PLCL2: variants seen among roughly 807,000 people sequenced by gnomAD.
PLCL2 encodes phospholipase C like 2.
Under a neutral mutation model 79.6 loss-of-function variants are expected in PLCL2, and 4 were observed. The observed-to-expected ratio is 0.05, with a 90% CI of 0.02 to 0.11. The LOEUF is 0.11. Ranked by LOEUF, PLCL2 falls within the 10% of genes least tolerant of loss-of-function variation. The pLI, the probability that PLCL2 is intolerant of heterozygous loss-of-function variation, is 1.00. For synonymous variants in PLCL2, 484 were observed against 457.7 expected, an observed-to-expected ratio of 1.06 and a Z score of -0.73; for missense variants, 895 against 1,291.0, an observed-to-expected ratio of 0.69 and a Z score of 4.70.
chr3:17,041,402 AT>A (rs2064719897), intron 3 of PLCL2, among the ~76,000 whole-genome samples: 1 of 152,186 alleles, frequency 6.6e-6, no homozygotes, highest in Non-Finnish European at 1.5e-5. Context: ...GAAGGCGTAA[AT>A]AAATGCCTGC....
chr3:16,916,168 C>G (rs549800686), intron 1 of PLCL2, among the ~76,000 whole-genome samples: 1 of 152,210 alleles, frequency 6.6e-6, no homozygotes, highest in East Asian at 1.9e-4. Flanking sequence ...GTAAACCTGC[C>G]ACACTGTGGA....
intron 1 of PLCL2, among the ~76,000 whole-genome samples, chr3:16,961,004 A>T (rs1417185485): frequency 6.6e-6 from 1 of 152,250 alleles, no homozygotes; most frequent in Non-Finnish European, 1.5e-5. Context: ...TCAGCAAAAC[A>T]CAAAAAGTTT....
intron 1 of PLCL2, among the ~76,000 whole-genome samples, chr3:16,994,194 G>T (rs2064130508): frequency 6.6e-6 from 1 of 152,148 alleles, no homozygotes; most frequent in African/African-American, 2.4e-5. Flanking sequence ...AGGGACTTAT[G>T]GTTTTAGAAA....
intron 3 of PLCL2, among the ~76,000 whole-genome samples, chr3:17,025,266 G>A (rs2064504121): frequency 6.6e-6 from 1 of 152,140 alleles, no homozygotes; most frequent in African/African-American, 2.4e-5. Flanking sequence ...CCATTCTTCA[G>A]GAATTAATTC....
chr3:17,019,971 T>G (rs2064430203), intron 3 of PLCL2, among the ~76,000 whole-genome samples: 1 of 152,190 alleles, frequency 6.6e-6, no homozygotes, highest in African/African-American at 2.4e-5. Context: ...TAGTACACAG[T>G]GTTTTTAAGA....
intron 3 of PLCL2, among the ~76,000 whole-genome samples, chr3:17,030,831 G>T (rs1031908631): frequency 4.6e-5 from 7 of 152,180 alleles, no homozygotes; most frequent in African/African-American, 1.4e-4. Context: ...AGAAACTAAT[G>T]ATACTTTACA....
chr3:16,960,062 G>A (rs565636966), intron 1 of PLCL2, among the ~76,000 whole-genome samples: 4 of 152,038 alleles, frequency 2.6e-5, no homozygotes, highest in African/African-American at 7.2e-5. Flanking sequence ...CCGAGATTGC[G>A]CCACTGCACT....
intron 3 of PLCL2, among the ~76,000 whole-genome samples, chr3:17,029,092 T>C (rs569420353): frequency 1.3e-5 from 2 of 152,142 alleles, no homozygotes; most frequent in East Asian, 3.9e-4. Context: ...GAAGCACTTA[T>C]GTTCTAAGGC....
rs530983065 is a variant in PLCL2, at chr3:16,954,476, G to A, written c.328-55198G>A. On this transcript the variant is annotated intron_variant, in intron 1 of 5. Coordinates refer to ENST00000615277, the MANE Select transcript of PLCL2 (RefSeq NM_001144382.2). ...AGTCTTTGCTATTGTGAATAGTGCC[G>A]CAATAAACATACGTGTGCATGTGTC... Among the ~76,000 whole-genome samples, 45 of 152,102 alleles carry A rather than the reference G, an allele frequency of 3.0e-4. No homozygotes were observed. In the East Asian group the frequency reaches 5.2e-3, roughly 18 times the overall value.
At chr3:17,022,941 T>C (rs2064472148) in intron 3 of PLCL2, among the ~76,000 whole-genome samples, 1 of 152,236 alleles carries the variant, frequency 6.6e-6, no homozygotes, top group African/African-American at 2.4e-5. Flanking sequence ...TGCTAAGCTC[T>C]TTAGGTAAAA....
intron 3 of PLCL2, among the ~76,000 whole-genome samples, chr3:17,040,004 A>T (rs2064702790): frequency 6.6e-6 from 1 of 152,248 alleles, no homozygotes; most frequent in African/African-American, 2.4e-5. Flanking sequence ...GTAGCTTCAG[A>T]ATATTGAATT....
At chr3:17,055,911 G>T (rs552031696) in intron 4 of PLCL2, among the ~76,000 whole-genome samples, 1 of 152,268 alleles carries the variant, frequency 6.6e-6, no homozygotes, top group Admixed American at 6.5e-5. Flanking sequence ...GAGCAGCATA[G>T]AACATAGCTT....
chr3:16,939,405 T>A (rs141713383), intron 1 of PLCL2, among the ~76,000 whole-genome samples: 125 of 152,360 alleles, frequency 8.2e-4, no homozygotes, highest in Non-Finnish European at 1.5e-3. Flanking sequence ...CTACTAGCAC[T>A]TAGCTTTGCC....
In PLCL2 at chr3:17,010,212, T is replaced by C. The variant is rs1209490714; in HGVS notation, c.866T>C (p.Leu289Pro). Residue 289 changes from leucine to proline, a missense_variant, in exon 2 of 6, where the codon CTG becomes CCG. Physicochemically the swap from Leu to Pro is moderately conservative, Grantham distance 98. This residue lies in a region of PLCL2 where 93 missense variants were observed against 93.2 expected (regional missense o/e 1.00). Transcript: ENST00000615277. The surrounding 1 kb of genome is among the most constrained non-coding windows in gnomAD (Gnocchi z 5.8). ...IDVDNLGHITLCNAVQCIRNL... is the reference protein window; with the variant it reads ...IDVDNLGHITPCNAVQCIRNL... ...GTAGATAACCTTGGACATATAACTC[T>C]GTGTAATGCTGTGCAATGTATCAGA... 1 of 1,613,932 alleles carries C rather than the reference T, an allele frequency of 6.2e-7. No individual in the cohort carries two copies. Among genetic ancestry groups the C allele is most frequent in the Non-Finnish European group, 8.5e-7 (1 of 1,179,920 alleles).
intron 1 of PLCL2, among the ~76,000 whole-genome samples, chr3:16,900,622 T>C (rs371395683): frequency 6.6e-6 from 1 of 152,244 alleles, no homozygotes; most frequent in African/African-American, 2.4e-5. Flanking sequence ...AAAGTTAGTT[T>C]GTATGCTAAT....
At chr3:16,904,581 C>T (rs115137140) in intron 1 of PLCL2, among the ~76,000 whole-genome samples, 1 of 152,112 alleles carries the variant, frequency 6.6e-6, no homozygotes, top group Non-Finnish European at 1.5e-5. Flanking sequence ...TTTTACCCAG[C>T]TGCCATCCTG....
chr3:16,975,168 G>A lies in PLCL2; in HGVS notation c.328-34506G>A, dbSNP rs79696523. On this transcript the variant is annotated intron_variant, in intron 1 of 5. Transcript: ENST00000615277. Reference sequence around the variant, plus strand: ...GAACCAAAAAAAGTTCTTCCCTTGAGCTTCAGATTACACTAAGGCAGAGAT... The same window carrying A: ...GAACCAAAAAAAGTTCTTCCCTTGAACTTCAGATTACACTAAGGCAGAGAT... Among the ~76,000 whole-genome samples, 1,483 of 152,322 alleles carry A rather than the reference G, an allele frequency of 9.7e-3. 27 individuals are homozygous for A. Among genetic ancestry groups the A allele is most frequent in the African/African-American group, 0.034 (1,412 of 41,568 alleles).
intron 3 of PLCL2, 94 bp downstream of exon 3, chr3:17,015,005 C>T (rs1383195164): frequency 2.1e-6 from 2 of 958,008 alleles, no homozygotes; most frequent in African/African-American, 3.2e-5. Context: ...CTGAAGTGCA[C>T]TTTCCTATTT....
chr3:17,052,863 A>G (rs1161439549), intron 4 of PLCL2, among the ~76,000 whole-genome samples: 1 of 152,216 alleles, frequency 6.6e-6, no homozygotes, highest in Non-Finnish European at 1.5e-5. Context: ...TTGTAAGAAT[A>G]TAGTACATAA....
Sources: allele counts gnomAD v4.1 joint callset (sites outside exome capture counted in the v4.1 genomes callset), GRCh38; gene constraint gnomAD v4.1.1; regional missense constraint gnomAD v4.1.1; non-coding constraint Gnocchi (gnomAD v3.1); transcripts MANE v1.5; gene names NCBI Gene and HGNC (gene_info 2026-07-23, HGNC 2026-07-21).